Variants in CSPP1 observed in about 807,000 individuals in gnomAD.
CSPP1 encodes the protein centrosome and spindle pole associated protein 1.
CSPP1 carries 126 observed loss-of-function variants against 164.4 expected under a neutral mutation model. The observed-to-expected ratio is 0.77, with a 90% CI of 0.66 to 0.89. The LOEUF is 0.89. Ranked by LOEUF, CSPP1 falls within the 40% of genes least tolerant of loss-of-function variation. The probability of loss-of-function intolerance (pLI) is 0.00; values close to 1 mark genes in which losing one functional copy is unlikely to be tolerated. For synonymous variants in CSPP1, 472 were observed against 476.7 expected (o/e 0.99, Z 0.13); for missense variants, 1,395 against 1,449.8 (o/e 0.96, Z 0.61).
intron 17 of CSPP1, among the ~76,000 whole-genome samples, chr8:67,140,689 TAAAC>T (rs898957389): frequency 3.9e-5 from 6 of 152,210 alleles, no homozygotes; most frequent in African/African-American, 9.7e-5. Context: ...GCTGTAATAA[TAAAC>T]AAACCCAAAT....
intron 8 of CSPP1, among the ~76,000 whole-genome samples, chr8:67,104,851 G>T (rs1228938301): frequency 6.7e-6 from 1 of 149,166 alleles, no homozygotes; most frequent in Non-Finnish European, 1.5e-5. Context: ...TGTTAGCCAG[G>T]CTGGTCTCGA....
intron 4 of CSPP1, among the ~76,000 whole-genome samples, chr8:67,091,274 A>G (rs1811556431): frequency 6.6e-6 from 1 of 152,198 alleles, no homozygotes; most frequent in Admixed American, 6.5e-5. Context: ...TGCCTCTACT[A>G]CACTGCATTA....
intron 22 of CSPP1, among the ~76,000 whole-genome samples, chr8:67,162,512 A>G (rs1828559440): frequency 6.6e-6 from 1 of 152,214 alleles, no homozygotes; most frequent in Admixed American, 6.5e-5. Flanking sequence ...TGTCAGAAGA[A>G]CATGTTTCTG....
chr8:67,175,264 A>C, intron 25 of CSPP1, 32 bp from the exon 26 acceptor site: 1 of 1,527,146 alleles, frequency 6.5e-7, no homozygotes, highest in Non-Finnish European at 9.0e-7. Flanking sequence ...AACAACATTT[A>C]ACTTAGTTAT....
intron 1 of CSPP1, among the ~76,000 whole-genome samples, chr8:67,070,989 C>T (rs1806650485): frequency 6.6e-6 from 1 of 152,060 alleles, no homozygotes; most frequent in Admixed American, 6.6e-5. Context: ...CTCCTGCGCT[C>T]AAGTGATCCC....
Position 67,137,569 on chromosome 8 carries a change from T to C in CSPP1, c.1941T>C (p.Gly647=), listed in dbSNP as rs778133945. 2 of 1,593,236 alleles carry C rather than the reference T, an allele frequency of 1.3e-6. No homozygotes were observed. Among genetic ancestry groups the C allele is most frequent in the East Asian group, 4.5e-5 (2 of 44,138 alleles). ...ATCCCTGGGGAAAAGGTGGAGGTGG[T>C]GCTCCTCTCAGGGATGCAAAAGGAA... ...TYNPWGKGGG[G]APLRDAKGNL... Residue 647 remains glycine, a synonymous_variant, in exon 17 of 31, where the codon GGT becomes GGC. Coordinates refer to ENST00000678616, the MANE Select transcript of CSPP1 (RefSeq NM_001382391.1).
chr8:67,112,022 G>C lies in CSPP1; in HGVS notation c.1144G>C (p.Glu382Gln), dbSNP rs369104976. 5 of 1,612,190 alleles carry C rather than the reference G, an allele frequency of 3.1e-6. No homozygotes were observed. Among genetic ancestry groups the C allele is most frequent in the Non-Finnish European group, 4.2e-6 (5 of 1,179,054 alleles). Residue 382 changes from glutamate to glutamine, a missense_variant, in exon 10 of 31, where the codon GAA becomes CAA. Glu to Gln is a conservative substitution (Grantham distance 29, BLOSUM62 2). Transcript: ENST00000678616. ...GAGAAGGAAAGAGAAATACAGACTAGAACTGTTGGAACAAATGGCTGAGCA... is the reference window on the plus strand; with the variant it reads ...GAGAAGGAAAGAGAAATACAGACTACAACTGTTGGAACAAATGGCTGAGCA... ...IQRRKEKYRL[E>Q]LLEQMAEQQR... is the part of the protein sequence containing the mutation.
At chr8:67,087,446 A>G (rs1158933861) in intron 4 of CSPP1, among the ~76,000 whole-genome samples, 1 of 152,234 alleles carries the variant, frequency 6.6e-6, no homozygotes, top group African/African-American at 2.4e-5. Context: ...ATTTAGTTGT[A>G]GAGATAGCAT....
chr8:67,112,616 TC>T (rs1424263152), intron 10 of CSPP1, among the ~76,000 whole-genome samples: 3 of 152,266 alleles, frequency 2.0e-5, no homozygotes, highest in Non-Finnish European at 4.4e-5. Flanking sequence ...CCTCCTTCTT[TC>T]TATTCTCAGA....
At chr8:67,173,251 A>G (rs1453289154) in intron 25 of CSPP1, among the ~76,000 whole-genome samples, 4 of 152,104 alleles carry the variant, frequency 2.6e-5, no homozygotes, top group Non-Finnish European at 4.4e-5. Flanking sequence ...TTGAAGTGAA[A>G]TCTAGGGGAT....
At chr8:67,132,501 GTTTGC>G (rs2129554259) in intron 16 of CSPP1, among the ~76,000 whole-genome samples, 1 of 152,294 alleles carries the variant, frequency 6.6e-6, no homozygotes, top group African/African-American at 2.4e-5. Flanking sequence ...TGAAAGGATT[GTTTGC>G]TTTAAGCAGA....
Position 67,175,292 on chromosome 8 carries a change from C to G in CSPP1, c.2969-4C>G. The G allele has an allele frequency of 6.2e-7, 1 of 1,600,444 alleles. No individual in the cohort carries two copies. The highest frequency in any genetic ancestry group is 1.7e-4 in the Middle Eastern group (1 of 5,998). ...TTAGTTATATAACATATTTTTTATA[C>G]CAGATTCAGAAACACGAGTTGATCT... On this transcript the variant is annotated splice_polypyrimidine_tract_variant and splice_region_variant and intron_variant, in intron 25 of 30. Transcript: ENST00000678616.
At chr8:67,183,001 T>C (rs1483996025) in intron 28 of CSPP1, among the ~76,000 whole-genome samples, 1 of 152,224 alleles carries the variant, frequency 6.6e-6, no homozygotes, top group Non-Finnish European at 1.5e-5. Flanking sequence ...ATTTATCTTT[T>C]CTTTTGTTGC....
intron 22 of CSPP1, among the ~76,000 whole-genome samples, chr8:67,162,697 T>C (rs1445021766): frequency 2.0e-5 from 3 of 152,144 alleles, no homozygotes; most frequent in African/African-American, 7.2e-5. Context: ...GATAAGATGC[T>C]TTTGCACAAG....
intron 15 of CSPP1, among the ~76,000 whole-genome samples, chr8:67,122,778 CCTTGAT>C (rs1361516628): frequency 4.0e-5 from 6 of 151,728 alleles, no homozygotes; most frequent in African/African-American, 1.5e-4. Context: ...TCTTTTATTT[CCTTGAT>C]CTTCTGTGTA....
intron 16 of CSPP1, 106 bp from the exon 17 acceptor site, chr8:67,137,350 A>T: frequency 3.3e-6 from 3 of 923,060 alleles, no homozygotes; most frequent in Middle Eastern, 3.5e-4. Flanking sequence ...AAAAAAGCAA[A>T]TTTTTTTGCT....
intron 17 of CSPP1, among the ~76,000 whole-genome samples, chr8:67,141,320 G>A (rs1823443129): frequency 6.6e-6 from 1 of 152,114 alleles, no homozygotes; most frequent in Non-Finnish European, 1.5e-5. Flanking sequence ...GTGACCTAAT[G>A]AGCATGGAGA....
At chr8:67,158,674 T>C (rs1208004528) in intron 20 of CSPP1, 78 bp downstream of exon 20, 6 of 1,479,288 alleles carry the variant, frequency 4.1e-6, no homozygotes, top group Non-Finnish European at 5.4e-6. Flanking sequence ...ATTTCTTACT[T>C]ATAAAGGAGA....
chr8:67,191,386 A>C (rs1303688780), intron 29 of CSPP1, among the ~76,000 whole-genome samples: 1 of 152,264 alleles, frequency 6.6e-6, no homozygotes, highest in Non-Finnish European at 1.5e-5. Flanking sequence ...GACCTCACCA[A>C]GTAACAGATG....
Sources: allele counts gnomAD v4.1 joint callset (sites outside exome capture counted in the v4.1 genomes callset), GRCh38; gene constraint gnomAD v4.1.1; transcripts MANE v1.5; gene names NCBI Gene and HGNC (gene_info 2026-07-23, HGNC 2026-07-21).